MS4A6A: variants seen among roughly 807,000 people sequenced by gnomAD.
MS4A6A encodes the protein membrane spanning 4-domains A6A.
Under a neutral mutation model 20.6 loss-of-function variants are expected in MS4A6A, and 19 were observed. That is an observed-to-expected ratio of 0.92 (90% CI 0.64 to 1.36). The LOEUF is 1.36. MS4A6A is among the 40% of genes most tolerant of loss of function. The pLI is 0.00. For synonymous variants in MS4A6A, 108 were observed against 105.0 expected, an observed-to-expected ratio of 1.03 and a Z score of -0.17; for missense variants, 272 against 261.1, an observed-to-expected ratio of 1.04 and a Z score of -0.29.
chr11:60,179,535 TTCATGGA>T, intron 3 of MS4A6A: 1 of 592,356 alleles, frequency 1.7e-6, no homozygotes, highest in South Asian at 2.1e-5. Flanking sequence ...TTTATCCTAA[TTCATGGA>T]TTTTTTTTTC....
At chr11:60,179,431 G>T (rs1857010771) in intron 3 of MS4A6A, 5 of 503,780 alleles carry the variant, frequency 9.9e-6, no homozygotes, top group Non-Finnish European at 1.4e-5. Context: ...ATCCCCACAA[G>T]CATGGGGGGG....
intron 2 of MS4A6A, 77 bp downstream of exon 2, chr11:60,181,504 A>G: frequency 2.5e-6 from 4 of 1,570,458 alleles, no homozygotes; most frequent in Non-Finnish European, 3.5e-6. Context: ...CTCACGACAG[A>G]TGTCCAGTCC....
intron 3 of MS4A6A, 182 bp from the exon 4 acceptor site, chr11:60,178,498 AG>A: frequency 7.9e-6 from 4 of 505,670 alleles, no homozygotes; most frequent in Admixed American, 3.9e-5. Context: ...AGATAACATC[AG>A]AAAAAAAAAA....
At chr11:60,180,841 G>T in intron 2 of MS4A6A, 1 of 321,604 alleles carries the variant, frequency 3.1e-6, no homozygotes, top group Non-Finnish European at 6.1e-6. Flanking sequence ...GAGATTCACA[G>T]CTCTATTATC....
intron 3 of MS4A6A, 26 bp from the exon 4 acceptor site, chr11:60,178,342 G>T: frequency 2.5e-6 from 4 of 1,601,650 alleles, no homozygotes; most frequent in Non-Finnish European, 3.4e-6. Context: ...AAATGGTCAG[G>T]TCAGATTCCA....
upstream of MS4A6A, chr11:60,184,309 A>T (rs1233807514): frequency 6.6e-6 from 1 of 152,216 alleles, no homozygotes; most frequent in Non-Finnish European, 1.5e-5. Flanking sequence ...ATCACCTCCA[A>T]CCTTGCTCAC....
In MS4A6A at chr11:60,174,764, C is replaced by T. The variant is rs374342686; in HGVS notation, c.549+638G>A. Among the ~76,000 whole-genome samples, 98 of 152,244 alleles carry T rather than the reference C, an allele frequency of 6.4e-4. 4 individuals carry two copies. In the South Asian group the frequency reaches 0.02, roughly 30 times the overall value. ...CTTCTTCCAAAGAGATAGAATTCTC[C>T]TGCAATCATTCTCAATTACACTCTC... On this transcript the variant is annotated intron_variant, in intron 5 of 5. Coordinates refer to ENST00000528851, the MANE Select transcript of MS4A6A (RefSeq NM_022349.4).
chr11:60,181,524 T>A, intron 2 of MS4A6A, 57 bp downstream of exon 2: 1 of 1,594,756 alleles, frequency 6.3e-7, no homozygotes, highest in Non-Finnish European at 8.6e-7. Flanking sequence ...CCAAGACATA[T>A]ATCATCTCTT....
intron 3 of MS4A6A, chr11:60,178,963 G>A (rs1856988945): frequency 3.6e-6 from 1 of 280,102 alleles, no homozygotes; most frequent in South Asian, 3.4e-5. Context: ...ACCCTGAGGA[G>A]ACATCATGAC....
downstream of MS4A6A, chr11:60,172,351 C>A: frequency 1.3e-6 from 2 of 1,510,802 alleles, no homozygotes; most frequent in South Asian, 2.7e-5. Context: ...GAATTCTTAG[C>A]TAATCCAAGA....
Position 60,181,709 on chromosome 11 carries a change from G to T in MS4A6A, c.19C>A (p.Pro7Thr). ...GGGAGCACTATGATGGTCTCATTGGGAACAGGTTGTGATGTCATGATGGTG... is the reference window on the plus strand; with the variant it reads ...GGGAGCACTATGATGGTCTCATTGGTAACAGGTTGTGATGTCATGATGGTG... MTSQPV[P>T]NETIIVLPSN... The change falls in exon 2 of 6, where the codon CCC becomes ACC. Residue 7 changes from proline to threonine, a missense_variant. Transcript: ENST00000528851. 1 of 1,614,088 alleles carries T rather than the reference G, an allele frequency of 6.2e-7. No individual in the cohort carries two copies. The highest frequency in any genetic ancestry group is 8.5e-7 in the Non-Finnish European group (1 of 1,179,974).
chr11:60,179,186 GA>G (rs1241553031), intron 3 of MS4A6A, among the ~76,000 whole-genome samples: 1 of 152,062 alleles, frequency 6.6e-6, no homozygotes, highest in African/African-American at 2.4e-5. Flanking sequence ...GAAGTTGAAG[GA>G]AAAAACATCT....
chr11:60,179,975 G>A lies in MS4A6A; in HGVS notation c.148-10C>T. The A allele has an allele frequency of 1.2e-6, 2 of 1,610,520 alleles. No homozygotes were observed. The highest frequency in any genetic ancestry group is 8.5e-7 in the Non-Finnish European group (1 of 1,177,992). On this transcript the variant is annotated splice_polypyrimidine_tract_variant and intron_variant, in intron 2 of 5. Coordinates refer to ENST00000528851, the MANE Select transcript of MS4A6A (RefSeq NM_022349.4). ...ACAAGATCTGGATAGTCTGTGGGAAGAGAAAGTGAGATTGAGGATGAAAAC... is the reference window on the plus strand; with the variant it reads ...ACAAGATCTGGATAGTCTGTGGGAAAAGAAAGTGAGATTGAGGATGAAAAC...
intron 4 of MS4A6A, chr11:60,177,080 A>G (rs1856879635): frequency 6.6e-6 from 1 of 152,230 alleles, no homozygotes; most frequent in Non-Finnish European, 1.5e-5. Flanking sequence ...CGATAGCCAC[A>G]TGTGACTGCC....
chr11:60,179,341 C>T, intron 3 of MS4A6A: 1 of 259,776 alleles, frequency 3.8e-6, no homozygotes, highest in Admixed American at 5.1e-5. Flanking sequence ...TAGATATCTG[C>T]TCAGCCTTAC....
chr11:60,176,003 G>T (rs1210260560), intron 4 of MS4A6A, among the ~76,000 whole-genome samples: 2 of 152,204 alleles, frequency 1.3e-5, no homozygotes, highest in Non-Finnish European at 2.9e-5. Context: ...AAAACCCCTG[G>T]CGGAAGCATC....
intron 2 of MS4A6A, 78 bp downstream of exon 2, chr11:60,181,503 G>C (rs975826134): frequency 6.4e-7 from 1 of 1,567,006 alleles, no homozygotes. Context: ...ACTCACGACA[G>C]ATGTCCAGTC....
At position 60,173,099 on chromosome 11, in the gene MS4A6A, G is replaced by A; in HGVS notation, c.580C>T (p.Leu194=). 6.2e-7 allele frequency: 1 copy of A among 1,614,098 alleles called. No individual in the cohort carries two copies. Among genetic ancestry groups the A allele is most frequent in the Non-Finnish European group, 8.5e-7 (1 of 1,179,972 alleles). ...GTLSLMLICT[L]LEFCLAVLTA... is the part of the protein sequence containing the mutation. The stretch of plus-strand genomic sequence containing the variant: ...AGCACAGCTAGGCAGAATTCCAGCA[G>A]AGTGCAAATCAGCATCAGAGAGAGA... The change falls in exon 6 of 6, where the codon CTG becomes TTG. Residue 194 remains leucine (L), a synonymous_variant. Coordinates refer to ENST00000528851, the MANE Select transcript of MS4A6A (RefSeq NM_022349.4).
upstream of MS4A6A, among the ~76,000 whole-genome samples, chr11:60,183,487 C>T (rs1056862488): frequency 3.3e-5 from 5 of 152,118 alleles, no homozygotes; most frequent in African/African-American, 1.2e-4. Flanking sequence ...GAACAATATT[C>T]CACTGTCTAT....
Sources: gnomAD v4.1 joint callset for allele counts (sites outside exome capture counted in the v4.1 genomes callset) on GRCh38, gnomAD v4.1.1 for gene constraint, MANE v1.5 for transcripts, NCBI Gene and HGNC (gene_info 2026-07-23, HGNC 2026-07-21) for gene names.